Variants in RAPH1 observed in about 807,000 individuals in gnomAD.
RAPH1 encodes Ras association (RalGDS/AF-6) and pleckstrin homology domains 1.
RAPH1 carries 18 observed loss-of-function variants against 88.1 expected under a neutral mutation model. The observed-to-expected ratio is 0.20, with a 90% CI of 0.14 to 0.30. RAPH1 has a LOEUF of 0.30. Among genes scored for constraint, RAPH1 ranks in the 10% least tolerant of loss-of-function variants. The probability of loss-of-function intolerance (pLI) is 1.00; values close to 1 mark genes in which losing one functional copy is unlikely to be tolerated. For synonymous variants in RAPH1, 587 were observed against 559.0 expected, an observed-to-expected ratio of 1.05 and a Z score of -0.71; for missense variants, 1,448 against 1,543.2, an observed-to-expected ratio of 0.94 and a Z score of 1.03.
chr2:203,485,069 C>T (rs1687905567), intron 4 of RAPH1, among the ~76,000 whole-genome samples: 1 of 152,092 alleles, frequency 6.6e-6, no homozygotes, highest in Non-Finnish European at 1.5e-5. Flanking sequence ...AGGTTAAGTT[C>T]CAGGGCCCCT....
At chr2:203,486,549 G>A (rs761806717) in intron 4 of RAPH1, among the ~76,000 whole-genome samples, 15 of 152,222 alleles carry the variant, frequency 9.9e-5, no homozygotes, top group South Asian at 6.2e-4. Context: ...ATGATAAAGA[G>A]GTAAAGTCCC....
intron 13 of RAPH1, chr2:203,441,825 T>C (rs1258289782): frequency 3.1e-6 from 4 of 1,309,162 alleles, no homozygotes; most frequent in Non-Finnish European, 3.9e-6. Context: ...CAGTTTACCT[T>C]TCAGTCCATG....
At chr2:203,485,124 C>G (rs1687907722) in intron 4 of RAPH1, among the ~76,000 whole-genome samples, 3 of 152,118 alleles carry the variant, frequency 2.0e-5, no homozygotes, top group Admixed American at 1.3e-4. Context: ...CACTGCTGGC[C>G]AGGTGCAGTG....
intron 4 of RAPH1, among the ~76,000 whole-genome samples, chr2:203,464,236 G>T (rs991350742): frequency 2.0e-5 from 3 of 152,134 alleles, no homozygotes; most frequent in Admixed American, 6.5e-5. Context: ...ACTGATATGT[G>T]GAATCAATGT....
chr2:203,438,029 G>C lies in RAPH1; in HGVS notation c.*1408C>G, dbSNP rs1451350830. The C allele has an allele frequency of 4.9e-6, 2 of 412,316 alleles. No individual in the cohort carries two copies. Among genetic ancestry groups the C allele is most frequent in the Non-Finnish European group, 9.7e-6 (2 of 206,676 alleles). The allele number at this position is 412,316 out of a possible 1,614,324, so 25.5% of individuals were successfully genotyped here. A position where few individuals can be genotyped will look rare whatever the true frequency, so the allele number is the denominator to read the frequency against. On this transcript the variant is annotated 3_prime_UTR_variant, in exon 14 of 14. Transcript: ENST00000319170. Reference sequence around the variant, plus strand: ...GAAAATTCACAGAAAAAAGCATATAGAAGTATAGTGTGTCGTTAGAGCACT... The same window carrying C: ...GAAAATTCACAGAAAAAAGCATATACAAGTATAGTGTGTCGTTAGAGCACT...
chr2:203,530,154 T>A (rs1471049614), intron 1 of RAPH1, among the ~76,000 whole-genome samples: 1 of 152,184 alleles, frequency 6.6e-6, no homozygotes, highest in African/African-American at 2.4e-5. Context: ...CCTTAAAGCA[T>A]GAAAAATACC....
At chr2:203,463,379 A>C (rs1216748236) in intron 4 of RAPH1, among the ~76,000 whole-genome samples, 1 of 152,174 alleles carries the variant, frequency 6.6e-6, no homozygotes, top group East Asian at 1.9e-4. Flanking sequence ...ACAAAAAGAG[A>C]AACTCAATTC....
chr2:203,481,329 G>A (rs1028780348), intron 4 of RAPH1, among the ~76,000 whole-genome samples: 5 of 151,954 alleles, frequency 3.3e-5, no homozygotes, highest in Admixed American at 6.6e-5. Flanking sequence ...CTCTACCTCC[G>A]TTCCTTCCAT....
At chr2:203,472,046 A>G (rs1258854528) in intron 4 of RAPH1, among the ~76,000 whole-genome samples, 5 of 152,314 alleles carry the variant, frequency 3.3e-5, no homozygotes, top group South Asian at 2.1e-4. Flanking sequence ...ATGCACAGCC[A>G]AGGAGGAGGG....
At chr2:203,474,504 T>G (rs1220891291) in intron 4 of RAPH1, among the ~76,000 whole-genome samples, 2 of 152,208 alleles carry the variant, frequency 1.3e-5, no homozygotes, top group Non-Finnish European at 2.9e-5. Flanking sequence ...TGAATGAATT[T>G]TCCAGGATGC....
chr2:203,441,725 G>A, intron 13 of RAPH1: 2 of 1,296,374 alleles, frequency 1.5e-6, no homozygotes, highest in Non-Finnish European at 9.7e-7. Context: ...TCTGACCTTG[G>A]CTGTATGACT....
At chr2:203,506,898 A>ATTTTTTTTTTTTTTTT (rs1243668890) in intron 1 of RAPH1, among the ~76,000 whole-genome samples, 1 of 87,878 alleles carries the variant, frequency 1.1e-5, no homozygotes, top group African/African-American at 6.4e-5. Flanking sequence ...ATATATATAT[A>ATTTTTTTTTTTTTTTT]TTTTTTTTTT....
At chr2:203,467,407 A>G (rs1227427578) in intron 4 of RAPH1, among the ~76,000 whole-genome samples, 1 of 151,694 alleles carries the variant, frequency 6.6e-6, no homozygotes, top group Admixed American at 6.6e-5. Context: ...CCTAGCCATG[A>G]TAGCGAAACC....
chr2:203,464,776 G>A (rs187235196), intron 4 of RAPH1, among the ~76,000 whole-genome samples: 5,067 of 133,032 alleles, frequency 0.038, 309 homozygotes, highest in African/African-American at 0.15. Flanking sequence ...TAAAAAAAAA[G>A]AGAGAGAGAG....
At chr2:203,520,785 G>C (rs968148533) in intron 1 of RAPH1, among the ~76,000 whole-genome samples, 27 of 152,240 alleles carry the variant, frequency 1.8e-4, no homozygotes, top group African/African-American at 6.0e-4. Context: ...GGAACAATAG[G>C]AACATTCTGG....
At chr2:203,534,867 A>T (rs1473680161) in intron 1 of RAPH1, among the ~76,000 whole-genome samples, 1 of 151,926 alleles carries the variant, frequency 6.6e-6, no homozygotes, top group African/African-American at 2.4e-5. Flanking sequence ...CGCGGTCCCC[A>T]GGGGCGCAGG....
intron 1 of RAPH1, among the ~76,000 whole-genome samples, chr2:203,529,005 A>ATATTTTTTTTTTTTTT (rs1553633903): frequency 2.4e-5 from 1 of 41,150 alleles, no homozygotes; most frequent in African/African-American, 1.2e-4. Context: ...ATATATATAT[A>ATATTTTTTTTTTTTTT]TTTTTTTTTT....
At chr2:203,465,786 G>A (rs1389357800) in intron 4 of RAPH1, among the ~76,000 whole-genome samples, 1 of 152,116 alleles carries the variant, frequency 6.6e-6, no homozygotes, top group East Asian at 1.9e-4. Context: ...CTGAGAAAGG[G>A]AGAATTGCTT....
At chr2:203,449,491 C>T (rs945482331) in intron 10 of RAPH1, among the ~76,000 whole-genome samples, 1 of 152,170 alleles carries the variant, frequency 6.6e-6, no homozygotes, top group African/African-American at 2.4e-5. Context: ...TCAGTTGAGG[C>T]TTGGATGAGA....
Sources: allele counts gnomAD v4.1 joint callset (sites outside exome capture counted in the v4.1 genomes callset), GRCh38; gene constraint gnomAD v4.1.1; transcripts MANE v1.5; gene names NCBI Gene and HGNC (gene_info 2026-07-23, HGNC 2026-07-21).